The following EXOC6 variants were observed in gnomAD, a reference collection of about 807,000 sequenced individuals.
EXOC6 encodes the protein exocyst complex component 6.
Under a neutral mutation model 112.5 loss-of-function variants are expected in EXOC6, and 60 were observed. The ratio of observed to expected loss-of-function variants is 0.53; its 90% CI spans 0.43 to 0.66. The LOEUF (loss-of-function observed/expected upper bound fraction) is 0.66. Among genes scored for constraint, EXOC6 ranks in the 30% least tolerant of loss-of-function variants. EXOC6 has a pLI of 0.00. For missense variants in EXOC6, 855 were observed against 957.1 expected, an observed-to-expected ratio of 0.89 and a Z score of 1.41; for synonymous variants, 295 against 308.0, an observed-to-expected ratio of 0.96 and a Z score of 0.44.
intron 1 of EXOC6, among the ~76,000 whole-genome samples, chr10:92,872,178 A>G (rs1334455545): frequency 2.0e-5 from 3 of 152,088 alleles, no homozygotes; most frequent in East Asian, 3.8e-4. Flanking sequence ...GGTGTATTCT[A>G]CATGTTCTGA....
At chr10:93,048,599 T>TA (rs993905040) in intron 20 of EXOC6, among the ~76,000 whole-genome samples, 8 of 151,364 alleles carry the variant, frequency 5.3e-5, no homozygotes, top group Non-Finnish European at 1.2e-4. Context: ...ATAATAAAAT[T>TA]AAAAAAAATT....
chr10:92,852,217 G>T (rs1847385006), intron 1 of EXOC6, among the ~76,000 whole-genome samples: 1 of 152,138 alleles, frequency 6.6e-6, no homozygotes, highest in African/African-American at 2.4e-5. Flanking sequence ...TAAAGAAAGG[G>T]AATTTTGCTG....
chr10:92,887,807 G>A (rs1297115210), intron 1 of EXOC6, among the ~76,000 whole-genome samples: 2 of 152,186 alleles, frequency 1.3e-5, no homozygotes, highest in Admixed American at 6.5e-5. Flanking sequence ...TCTAGGGCCA[G>A]CATTCTATCA....
intron 19 of EXOC6, among the ~76,000 whole-genome samples, chr10:93,005,815 A>G (rs1843950754): frequency 6.6e-6 from 1 of 152,216 alleles, no homozygotes. Context: ...GTTATTGGAG[A>G]GTAGATAAGT....
intron 8 of EXOC6, among the ~76,000 whole-genome samples, chr10:92,927,503 T>C (rs1564837141): frequency 6.6e-6 from 1 of 152,224 alleles, no homozygotes; most frequent in Non-Finnish European, 1.5e-5. Flanking sequence ...CTGTTAGTTA[T>C]ATGTAGTTAC....
chr10:93,018,754 G>T (rs2486686), intron 20 of EXOC6, among the ~76,000 whole-genome samples: 19,682 of 151,900 alleles, frequency 0.13, 1,433 homozygotes, highest in African/African-American at 0.18. Flanking sequence ...ACTTTAAAAA[G>T]AAAAATTATT....
chr10:92,926,065 A>C (rs1027966019), intron 8 of EXOC6, among the ~76,000 whole-genome samples: 2 of 151,682 alleles, frequency 1.3e-5, no homozygotes, highest in Admixed American at 6.6e-5. Context: ...AAAAAAAAAA[A>C]AACAAATGCC....
intron 17 of EXOC6, among the ~76,000 whole-genome samples, chr10:92,961,943 GAAAGGT>G (rs892267106): frequency 1.2e-4 from 18 of 152,084 alleles, no homozygotes; most frequent in Non-Finnish European, 2.5e-4. Flanking sequence ...CTGAAAACTA[GAAAGGT>G]AAAAATGTAG....
At chr10:92,881,418 A>G (rs1398340507) in intron 1 of EXOC6, among the ~76,000 whole-genome samples, 1 of 152,202 alleles carries the variant, frequency 6.6e-6, no homozygotes, top group Non-Finnish European at 1.5e-5. Flanking sequence ...ATGTCATAAT[A>G]CTACTTCATT....
chr10:92,964,180 AAAACAAC>A (rs1854173822), intron 17 of EXOC6, among the ~76,000 whole-genome samples: 1 of 151,840 alleles, frequency 6.6e-6, no homozygotes, highest in African/African-American at 2.4e-5. Context: ...TATAAAGAAT[AAAACAAC>A]TTCTTTTGAT....
chr10:92,888,090 A>C (rs966152844), intron 1 of EXOC6, among the ~76,000 whole-genome samples: 10 of 152,180 alleles, frequency 6.6e-5, no homozygotes, highest in Non-Finnish European at 1.5e-4. Context: ...TCTCATTCAC[A>C]GTACTAATTC....
At chr10:92,945,824 A>T (rs981451675) in intron 13 of EXOC6, among the ~76,000 whole-genome samples, 2 of 152,148 alleles carry the variant, frequency 1.3e-5, no homozygotes, top group African/African-American at 2.4e-5. Flanking sequence ...GAGCCACCTC[A>T]TTTAGCCCTG....
chr10:92,936,013 A>G, intron 12 of EXOC6, 128 bp downstream of exon 12: 4 of 600,730 alleles, frequency 6.7e-6, no homozygotes, highest in South Asian at 4.3e-5. Context: ...TTACCTACAT[A>G]TTGATATTCT....
At chr10:92,844,413 G>A (rs951860049), upstream of EXOC6, among the ~76,000 whole-genome samples, 8 of 152,102 alleles carry the variant, frequency 5.3e-5, no homozygotes, top group Non-Finnish European at 4.4e-5. Flanking sequence ...CAAGGACAAC[G>A]AAAGGTGCTT....
At chr10:92,902,648 A>C (rs555518033) in intron 5 of EXOC6, among the ~76,000 whole-genome samples, 127 of 152,170 alleles carry the variant, frequency 8.3e-4, no homozygotes, top group African/African-American at 3.0e-3. Context: ...ACCAAGTTTA[A>C]GATGTTGAAT....
chr10:93,027,147 A>G (rs1404252411), intron 20 of EXOC6, among the ~76,000 whole-genome samples: 3 of 152,242 alleles, frequency 2.0e-5, no homozygotes, highest in Non-Finnish European at 2.9e-5. Flanking sequence ...GAAACCAGCC[A>G]CAGCATTCCC....
chr10:92,946,295 C>G (rs1011611644), intron 13 of EXOC6, among the ~76,000 whole-genome samples: 6 of 150,338 alleles, frequency 4.0e-5, no homozygotes, highest in South Asian at 2.1e-4. Flanking sequence ...GACTCCGTCT[C>G]AAAAAAAAGA....
chr10:93,024,008 A>C (rs1844905558), intron 20 of EXOC6, among the ~76,000 whole-genome samples: 1 of 152,196 alleles, frequency 6.6e-6, no homozygotes, highest in African/African-American at 2.4e-5. Flanking sequence ...ACTTTAAAGA[A>C]GGTGTCTCTC....
intron 1 of EXOC6, among the ~76,000 whole-genome samples, chr10:92,882,283 G>T (rs1009151148): frequency 1.3e-5 from 2 of 151,884 alleles, no homozygotes; most frequent in African/African-American, 4.8e-5. Context: ...GTGGCTCACG[G>T]CTGTAATCCC....
Sources: allele counts gnomAD v4.1 joint callset (sites outside exome capture counted in the v4.1 genomes callset), GRCh38; gene constraint gnomAD v4.1.1; transcripts MANE v1.5; gene names NCBI Gene and HGNC (gene_info 2026-07-23, HGNC 2026-07-21).